SLC5A4: variants seen among roughly 807,000 people sequenced by gnomAD.
SLC5A4 encodes probable glucose sensor protein SLC5A4.
SLC5A4 carries 55 observed loss-of-function variants against 70.3 expected under a neutral mutation model. That is an observed-to-expected ratio of 0.78 (90% CI 0.63 to 0.98). The LOEUF (loss-of-function observed/expected upper bound fraction) is 0.98. Ranked by LOEUF, SLC5A4 falls within the 50% of genes least tolerant of loss-of-function variation. The pLI, the probability that SLC5A4 is intolerant of heterozygous loss-of-function variation, is 0.00. For synonymous variants in SLC5A4, 268 were observed against 305.7 expected (o/e 0.88, Z 1.29); for missense variants, 735 against 839.2 (o/e 0.88, Z 1.53).
At chr22:32,353,269 T>C in the SLC5A4 span, among the ~76,000 whole-genome samples, 1 of 152,064 alleles carries the variant, frequency 6.6e-6, no homozygotes, top group African/African-American at 2.4e-5. Context: ...CAGCAAAAAC[T>C]GAACCCCAGC....
chr22:32,338,203 A>C, the SLC5A4 span, among the ~76,000 whole-genome samples: 13 of 152,234 alleles, frequency 8.5e-5, no homozygotes, highest in Non-Finnish European at 1.8e-4. Flanking sequence ...ACAGACAAGA[A>C]CACCAAGGAA....
intron 6 of SLC5A4, among the ~76,000 whole-genome samples, chr22:32,237,777 GAAC>G (rs962272899): frequency 2.0e-5 from 3 of 151,838 alleles, no homozygotes; most frequent in African/African-American, 4.8e-5. Flanking sequence ...CTGTAGTGTT[GAAC>G]AACAACAACA....
At chr22:32,237,635 C>A (rs1298566554) in intron 6 of SLC5A4, among the ~76,000 whole-genome samples, 1 of 152,170 alleles carries the variant, frequency 6.6e-6, no homozygotes, top group African/African-American at 2.4e-5. Flanking sequence ...TTAACAATCC[C>A]TCAATTTACG....
the SLC5A4 span, among the ~76,000 whole-genome samples, chr22:32,267,056 A>G: frequency 2.6e-5 from 4 of 152,216 alleles, no homozygotes; most frequent in African/African-American, 9.6e-5. Context: ...CATAACAATT[A>G]ATTTTGATGC....
the SLC5A4 span, among the ~76,000 whole-genome samples, chr22:32,327,868 T>C: frequency 1.9e-3 from 294 of 152,270 alleles, no homozygotes; most frequent in African/African-American, 6.8e-3. Context: ...CTCTGAGGAA[T>C]GCTCTCTGCC....
At position 32,235,043 on chromosome 22, in the gene SLC5A4, C is replaced by T; in HGVS notation, c.715G>A (p.Ala239Thr). The change falls in exon 8 of 15, where the codon GCC becomes ACC. Residue 239 changes from alanine to threonine, a missense_variant. Coordinates refer to ENST00000266086, the MANE Select transcript of SLC5A4 (RefSeq NM_014227.3). ...YESFTEKYVN[A>T]TPSVVEGDNL... The stretch of plus-strand genomic sequence containing the variant: ...TCCCCCTCGACTACGGATGGGGTGG[C>T]ATTCACGTACTTCTCGGTAAAGCTC... 1 of 1,613,854 alleles carries T rather than the reference C, an allele frequency of 6.2e-7. No individual in the cohort carries two copies. Among genetic ancestry groups the T allele is most frequent in the Admixed American group, 1.7e-5 (1 of 60,010 alleles).
chr22:32,272,948 G>C, the SLC5A4 span: 3 of 537,212 alleles, frequency 5.6e-6, no homozygotes, highest in Non-Finnish European at 1.1e-5. Flanking sequence ...GTGGACCTCC[G>C]CACCCTCCAG....
chr22:32,304,571 G>A, the SLC5A4 span, among the ~76,000 whole-genome samples: 1 of 152,234 alleles, frequency 6.6e-6, no homozygotes, highest in Non-Finnish European at 1.5e-5. Flanking sequence ...AAGCCACTGT[G>A]CCTGGCTCTG....
At chr22:32,274,471 A>G in the SLC5A4 span, among the ~76,000 whole-genome samples, 2 of 152,222 alleles carry the variant, frequency 1.3e-5, no homozygotes, top group Non-Finnish European at 2.9e-5. Flanking sequence ...AAGTTAAAAA[A>G]AGAAAGTTCA....
chr22:32,307,389 C>G, the SLC5A4 span, among the ~76,000 whole-genome samples: 3 of 152,250 alleles, frequency 2.0e-5, no homozygotes, highest in Middle Eastern at 3.4e-3. Flanking sequence ...GGTGGGACTT[C>G]TGAATTCATT....
the SLC5A4 span, among the ~76,000 whole-genome samples, chr22:32,347,762 G>A: frequency 2.6e-5 from 4 of 151,160 alleles, no homozygotes; most frequent in Non-Finnish European, 5.9e-5. Context: ...GCTAAATGAC[G>A]AGTTAATGCG....
At chr22:32,278,099 C>T in the SLC5A4 span, among the ~76,000 whole-genome samples, 3 of 152,282 alleles carry the variant, frequency 2.0e-5, no homozygotes, top group South Asian at 6.2e-4. Flanking sequence ...GTCTAGGTCA[C>T]TTAGCGTGTT....
At chr22:32,314,131 T>A in the SLC5A4 span, among the ~76,000 whole-genome samples, 27 of 152,322 alleles carry the variant, frequency 1.8e-4, no homozygotes, top group South Asian at 5.6e-3. Flanking sequence ...CTCCACTCTT[T>A]GCATCAGTGG....
the SLC5A4 span, among the ~76,000 whole-genome samples, chr22:32,325,165 A>G: frequency 6.6e-6 from 1 of 152,194 alleles, no homozygotes; most frequent in Non-Finnish European, 1.5e-5. Context: ...CCCTCGCACT[A>G]GGCCTTCCAA....
At chr22:32,231,422 A>G (rs1294295212) in intron 9 of SLC5A4, among the ~76,000 whole-genome samples, 1 of 152,234 alleles carries the variant, frequency 6.6e-6, no homozygotes, top group Admixed American at 6.5e-5. Context: ...GACTGACAAC[A>G]GCAACAGGAA....
the SLC5A4 span, among the ~76,000 whole-genome samples, chr22:32,316,430 C>CA: frequency 6.6e-6 from 1 of 152,062 alleles, no homozygotes; most frequent in Non-Finnish European, 1.5e-5. Flanking sequence ...GAAGATCTAA[C>CA]AGTAATGAAT....
At chr22:32,339,090 G>A in the SLC5A4 span, among the ~76,000 whole-genome samples, 2 of 152,168 alleles carry the variant, frequency 1.3e-5, no homozygotes, top group Non-Finnish European at 2.9e-5. Context: ...AGGTAAAATC[G>A]CAGGGTCATC....
chr22:32,223,862 C>T (rs1397375986), intron 13 of SLC5A4, among the ~76,000 whole-genome samples: 3 of 152,152 alleles, frequency 2.0e-5, no homozygotes, highest in Non-Finnish European at 4.4e-5. Flanking sequence ...GTTCTTCTAG[C>T]TCTAGAGGTA....
chr22:32,292,140 T>TA, the SLC5A4 span, among the ~76,000 whole-genome samples: 1 of 50,722 alleles, frequency 2.0e-5, no homozygotes, highest in South Asian at 6.2e-4. Flanking sequence ...ATATTATATA[T>TA]TATATTCTAT....
Sources: gnomAD v4.1 joint callset for allele counts (sites outside exome capture counted in the v4.1 genomes callset) on GRCh38, gnomAD v4.1.1 for gene constraint, MANE v1.5 for transcripts, NCBI Gene and HGNC (gene_info 2026-07-23, HGNC 2026-07-21) for gene names.